Variants in PIEZO2 observed in about 807,000 individuals in gnomAD.
PIEZO2 encodes piezo-type mechanosensitive ion channel component 2.
Under a neutral mutation model 337.3 loss-of-function variants are expected in PIEZO2, and 172 were observed. The ratio of observed to expected loss-of-function variants is 0.51; its 90% CI spans 0.45 to 0.58. The LOEUF is 0.58. Among genes scored for constraint, PIEZO2 ranks in the 20% least tolerant of loss-of-function variants. The pLI is 0.00. For missense variants in PIEZO2, 3,028 were observed against 3,391.3 expected, an observed-to-expected ratio of 0.89 and a Z score of 2.66; for synonymous variants, 1,251 against 1,228.5, an observed-to-expected ratio of 1.02 and a Z score of -0.38.
chr18:10,876,124 T>C (rs2042262055), intron 4 of PIEZO2, among the ~76,000 whole-genome samples: 1 of 152,244 alleles, frequency 6.6e-6, no homozygotes, highest in African/African-American at 2.4e-5. Context: ...ATCTTATCAA[T>C]TGTGTTTCCT....
At position 11,149,260 on chromosome 18, in the gene PIEZO2, G is replaced by A. The variant is rs2040891386; in HGVS notation, c.-672C>T. Among the ~76,000 whole-genome samples the A allele has an allele frequency of 3.3e-5, 5 of 151,938 alleles. No homozygotes were observed. In the South Asian group the frequency reaches 1.0e-3, roughly 32 times the overall value. On this transcript the variant is annotated 5_prime_UTR_variant, in exon 1 of 56. Coordinates refer to ENST00000674853, the MANE Select transcript of PIEZO2 (RefSeq NM_001378183.1). The surrounding 1 kb of genome is among the most constrained non-coding windows in gnomAD (Gnocchi z 8.7). ...CCCAGCTTCGGGCCGGAGAGACCGG[G>A]GTGGGAGCTGCCAGGCGCGCAGAAC...
intron 4 of PIEZO2, chr18:10,890,597 C>T (rs1376975557): frequency 1.3e-5 from 2 of 152,282 alleles, no homozygotes; most frequent in East Asian, 1.9e-4. Flanking sequence ...GGGGGAAAAT[C>T]CCCTTAGAAA....
intron 33 of PIEZO2, among the ~76,000 whole-genome samples, chr18:10,737,298 C>CAACAA (rs1555634876): frequency 0.018 from 1,888 of 104,604 alleles, 40 homozygotes; most frequent in African/African-American, 0.074. Context: ...AAAAAAAAAA[C>CAACAA]AAAAAAACAC....
At chr18:11,008,414 T>C (rs2035791285) in intron 2 of PIEZO2, among the ~76,000 whole-genome samples, 1 of 152,198 alleles carries the variant, frequency 6.6e-6, no homozygotes, top group African/African-American at 2.4e-5. Flanking sequence ...TGTCAGCTGC[T>C]AGTTAACCCT....
rs2039219654 is a variant in PIEZO2 at position 11,094,929 on chromosome 18, C to A, written c.65-28707G>T. Reference sequence around the variant, plus strand: ...AACTCTGTCCCCTCTTCCTACAGCTCCAAAAGCCACCCGCTGGAAGGGGGC... The same window carrying A: ...AACTCTGTCCCCTCTTCCTACAGCTACAAAAGCCACCCGCTGGAAGGGGGC... On this transcript the variant is annotated intron_variant, in intron 1 of 55. Coordinates refer to ENST00000674853, the MANE Select transcript of PIEZO2 (RefSeq NM_001378183.1). The surrounding 1 kb of genome is among the most constrained non-coding windows in gnomAD (Gnocchi z 4.4). 6.6e-6 allele frequency among the ~76,000 whole-genome samples: 1 copy of A among 152,202 alleles called. No individual in the cohort carries two copies. Among genetic ancestry groups the A allele is most frequent in the Admixed American group, 6.5e-5 (1 of 15,286 alleles).
At chr18:10,689,387 TG>T (rs1463450305) in intron 49 of PIEZO2, among the ~76,000 whole-genome samples, 1 of 152,206 alleles carries the variant, frequency 6.6e-6, no homozygotes, top group Non-Finnish European at 1.5e-5. Context: ...TAAGAGTTGT[TG>T]GGATATAGCA....
Position 10,672,695 on chromosome 18 carries a change from G to A in PIEZO2, c.8340C>T (p.Gly2780=), listed in dbSNP as rs146400447. ...VSPPSLGFLA[G]YGIMGLYASV... is the part of the protein sequence containing the mutation. ...ATTGTTCAATGAGTCCTTACCCATA[G>A]CCAGCCAGGAACCCCAGACTTGGGG... The change falls in exon 55 of 56, where the codon GGC becomes GGT. Residue 2780 remains glycine, a synonymous_variant. Transcript: ENST00000674853. This position sits in a 1 kb window ranked among gnomAD's most constrained non-coding sequence, Gnocchi z 4.7. The A allele has an allele frequency of 2.6e-3, 4,153 of 1,613,764 alleles. 7 individuals carry two copies. The highest frequency in any genetic ancestry group is 3.2e-3 in the Non-Finnish European group (3,815 of 1,179,858).
At position 10,691,213 on chromosome 18, in the gene PIEZO2, A is replaced by G. The variant is rs775558042; in HGVS notation, c.7349+12T>C. On this transcript the variant is annotated intron_variant, in intron 48 of 55. Transcript: ENST00000674853. ...CCCCCATAAGTGACTGTGACGTTGC[A>G]GAGCGTCCTACCCTTGGAATAAGAA... The G allele has an allele frequency of 8.1e-6, 13 of 1,610,574 alleles. No homozygotes were observed. Among genetic ancestry groups the G allele is most frequent in the Admixed American group, 1.7e-5 (1 of 59,306 alleles).
chr18:10,696,541 T>C lies in PIEZO2; in HGVS notation c.6828-2A>G. ...ATGGGCACATAGATCTCCAGCGTCC[T>C]GCAAAATGGAGACCCCCACCCCCAA... is the stretch of plus-strand genomic sequence containing the variant. On this transcript the variant is annotated splice_acceptor_variant, in intron 45 of 55. Transcript: ENST00000674853. LOFTEE classifies it high-confidence loss of function. The C allele has an allele frequency of 6.2e-7, 1 of 1,613,100 alleles. No homozygotes were observed. Among genetic ancestry groups the C allele is most frequent in the Non-Finnish European group, 8.5e-7 (1 of 1,179,896 alleles).
In PIEZO2 at chr18:11,109,419, A is replaced by G. The variant is rs541365533; in HGVS notation, c.64+39106T>C. On this transcript the variant is annotated intron_variant, in intron 1 of 55. Transcript: ENST00000674853. The surrounding 1 kb of genome is among the most constrained non-coding windows in gnomAD (Gnocchi z 5.1). Reference sequence around the variant, plus strand: ...TGGGGGGTGTAGCTCTGATTTCAGTATGGAATTAGAAATAGGCCAGGCGCG... The same window carrying G: ...TGGGGGGTGTAGCTCTGATTTCAGTGTGGAATTAGAAATAGGCCAGGCGCG... Among the ~76,000 whole-genome samples the G allele has an allele frequency of 5.3e-5, 8 of 152,278 alleles. No individual in the cohort carries two copies. Among genetic ancestry groups the G allele is most frequent in the Admixed American group, 2.0e-4 (3 of 15,288 alleles).
chr18:10,871,571 G>A (rs529694677), intron 4 of PIEZO2, among the ~76,000 whole-genome samples, 156 bp from the exon 5 acceptor site: 4 of 152,140 alleles, frequency 2.6e-5, no homozygotes, highest in Non-Finnish European at 4.4e-5. Flanking sequence ...ATTGACCTCA[G>A]TGTCTCACAA....
chr18:10,681,778 G>A, intron 50 of PIEZO2, 25 bp from the exon 51 acceptor site: 3 of 1,540,116 alleles, frequency 1.9e-6, no homozygotes, highest in Non-Finnish European at 2.7e-6. Flanking sequence ...GAACAGTGTT[G>A]TCAATATTCC....
intron 2 of PIEZO2, among the ~76,000 whole-genome samples, chr18:11,015,797 T>C (rs944970095): frequency 2.6e-5 from 4 of 152,208 alleles, no homozygotes; most frequent in Non-Finnish European, 4.4e-5. Flanking sequence ...GAATTTCTTA[T>C]GGAAAACAAT....
rs369882721 is a variant in PIEZO2, at chr18:10,926,684, T to A, written c.287-15456A>T. ...GCAAGAGCTGATGAAAAATATCATGTCCGGGCCATTTTCTGCACACTTGGC... is the reference window on the plus strand; with the variant it reads ...GCAAGAGCTGATGAAAAATATCATGACCGGGCCATTTTCTGCACACTTGGC... On this transcript the variant is annotated intron_variant, in intron 3 of 55. Transcript: ENST00000674853. Among the ~76,000 whole-genome samples the A allele has an allele frequency of 2.3e-4, 35 of 152,318 alleles. No individual in the cohort carries two copies. The South Asian group carries it at 5.0e-3, about 22-fold the overall frequency.
chr18:10,916,615 G>A lies in PIEZO2; in HGVS notation c.287-5387C>T, dbSNP rs140979389. On this transcript the variant is annotated intron_variant, in intron 3 of 55. Coordinates refer to ENST00000674853, the MANE Select transcript of PIEZO2 (RefSeq NM_001378183.1). Reference sequence around the variant, plus strand: ...GAGGCCGCGCCCATCTAGAACTCGCGTCGGCCGGCGAGTGCAAGCAAAGTC... The same window carrying A: ...GAGGCCGCGCCCATCTAGAACTCGCATCGGCCGGCGAGTGCAAGCAAAGTC... Among the ~76,000 whole-genome samples, 616 of 152,244 alleles carry A rather than the reference G, an allele frequency of 4.0e-3. 7 individuals are homozygous for A. Among genetic ancestry groups the A allele is most frequent in the Non-Finnish European group, 6.1e-3 (413 of 67,990 alleles).
chr18:10,917,175 G>A (rs2031047666), intron 3 of PIEZO2, among the ~76,000 whole-genome samples: 1 of 152,134 alleles, frequency 6.6e-6, no homozygotes, highest in Admixed American at 6.5e-5. Context: ...GATGGAACAA[G>A]GGAGATTATT....
At chr18:11,017,967 A>T (rs955241305) in intron 2 of PIEZO2, among the ~76,000 whole-genome samples, 2 of 152,156 alleles carry the variant, frequency 1.3e-5, no homozygotes, top group African/African-American at 4.8e-5. Context: ...GTCTCTATTA[A>T]GTAATAATAA....
At position 10,801,448 on chromosome 18, in the gene PIEZO2, A is replaced by G. The variant is rs2039812232; in HGVS notation, c.1201-20T>C. The G allele has an allele frequency of 6.7e-7, 1 of 1,494,014 alleles. No homozygotes were observed. Among genetic ancestry groups the G allele is most frequent in the African/African-American group, 1.4e-5 (1 of 71,982 alleles). 92.5% of individuals were successfully genotyped at this position (1,494,014 alleles called of 1,614,324 possible). A position where few individuals can be genotyped will look rare whatever the true frequency, so the allele number is the denominator to read the frequency against. On this transcript the variant is annotated intron_variant, in intron 9 of 55. Transcript: ENST00000674853. Reference sequence around the variant, plus strand: ...TAAAAGCTGCAAAAAGCAATGCGGGAAAGCATGTTAGTAAGGAAGCTGAAA... The same window carrying G: ...TAAAAGCTGCAAAAAGCAATGCGGGGAAGCATGTTAGTAAGGAAGCTGAAA...
At chr18:11,067,958 GT>G (rs2038205942) in intron 1 of PIEZO2, among the ~76,000 whole-genome samples, 1 of 152,148 alleles carries the variant, frequency 6.6e-6, no homozygotes, top group African/African-American at 2.4e-5. Context: ...GTCTTGCTCT[GT>G]CCCCCAGGCT....
Sources: allele counts gnomAD v4.1 joint callset (sites outside exome capture counted in the v4.1 genomes callset), GRCh38; gene constraint gnomAD v4.1.1; non-coding constraint Gnocchi (gnomAD v3.1); transcripts MANE v1.5; gene names NCBI Gene and HGNC (gene_info 2026-07-23, HGNC 2026-07-21).